DLG2: variants seen among roughly 807,000 people sequenced by gnomAD.
DLG2 encodes the protein disks large homolog 2.
Under a neutral mutation model 132.5 loss-of-function variants are expected in DLG2, and 45 were observed. The observed-to-expected ratio is 0.34, with a 90% CI of 0.27 to 0.44. DLG2 has a LOEUF of 0.44. Among genes scored for constraint, DLG2 ranks in the 20% least tolerant of loss-of-function variants. The pLI, the probability that DLG2 is intolerant of heterozygous loss-of-function variation, is 1.00. For missense variants in DLG2, 1,045 were observed against 1,196.9 expected (o/e 0.87, Z 1.87); for synonymous variants, 424 against 419.6 (o/e 1.01, Z -0.13).
intron 6 of DLG2, among the ~76,000 whole-genome samples, chr11:84,685,688 A>G (rs2099737479): frequency 6.6e-6 from 1 of 151,862 alleles, no homozygotes; most frequent in Admixed American, 6.6e-5. Flanking sequence ...TCAAAGTAAT[A>G]TTTTGCTCTG....
At chr11:84,404,750 T>C (rs2098842796) in intron 7 of DLG2, among the ~76,000 whole-genome samples, 3 of 152,192 alleles carry the variant, frequency 2.0e-5, no homozygotes, top group Admixed American at 2.0e-4. Flanking sequence ...GAAATATGTG[T>C]TGAACAACAG....
intron 6 of DLG2, among the ~76,000 whole-genome samples, chr11:84,989,443 CG>C (rs1261996289): frequency 2.0e-5 from 3 of 151,886 alleles, no homozygotes; most frequent in Non-Finnish European, 4.4e-5. Flanking sequence ...CCCAAAGTGC[CG>C]GGATTACAGG....
intron 6 of DLG2, among the ~76,000 whole-genome samples, chr11:84,878,636 A>G (rs2086797916): frequency 6.6e-6 from 1 of 152,128 alleles, no homozygotes; most frequent in Admixed American, 6.6e-5. Context: ...AGCAAACTAC[A>G]TGGCACATTT....
intron 4 of DLG2, among the ~76,000 whole-genome samples, chr11:85,178,865 G>A (rs1309658239): frequency 6.6e-6 from 1 of 151,902 alleles, no homozygotes; most frequent in Non-Finnish European, 1.5e-5. Context: ...AAAGCATGAA[G>A]AATAGATTGA....
intron 10 of DLG2, among the ~76,000 whole-genome samples, chr11:84,090,678 T>C (rs2097076881): frequency 2.0e-5 from 3 of 152,222 alleles, no homozygotes; most frequent in South Asian, 2.1e-4. Flanking sequence ...AAGTAAAATT[T>C]GGTAGAATAT....
rs185125085 is a variant in DLG2 at position 83,874,019 on chromosome 11, A to G, written c.1565+401T>C. Among the ~76,000 whole-genome samples the G allele has an allele frequency of 5.9e-5, 9 of 152,298 alleles. No homozygotes were observed. In the East Asian group the frequency reaches 1.7e-3, roughly 29 times the overall value. On this transcript the variant is annotated intron_variant, in intron 16 of 27. Transcript: ENST00000376104. ...AAGAAGAAATCTTGTTTGACTTATT[A>G]AATCTAGTACCTAGCACAGTGCTTG... is the stretch of plus-strand genomic sequence containing the variant.
At chr11:85,500,792 T>C (rs931654186) in intron 3 of DLG2, among the ~76,000 whole-genome samples, 8 of 152,164 alleles carry the variant, frequency 5.3e-5, no homozygotes, top group Admixed American at 3.9e-4. Context: ...TGCAAAAACA[T>C]TCCACGCTCA....
At chr11:83,781,344 T>C (rs1217501210) in intron 18 of DLG2, among the ~76,000 whole-genome samples, 1 of 152,142 alleles carries the variant, frequency 6.6e-6, no homozygotes, top group Non-Finnish European at 1.5e-5. Flanking sequence ...TATTTCCTTA[T>C]AACATGGACT....
At chr11:85,023,595 A>G (rs1170159124) in intron 6 of DLG2, among the ~76,000 whole-genome samples, 1 of 152,102 alleles carries the variant, frequency 6.6e-6, no homozygotes, top group Non-Finnish European at 1.5e-5. Context: ...ATAGTTTTCT[A>G]CTCTCAAGAA....
In DLG2 at chr11:85,564,306, G is replaced by A. The variant is rs2077415134; in HGVS notation, c.40+34351C>T. 2.0e-5 allele frequency among the ~76,000 whole-genome samples: 3 copies of A among 151,352 alleles called. No homozygotes were observed. In the South Asian group the frequency reaches 6.2e-4, roughly 32 times the overall value. On this transcript the variant is annotated intron_variant, in intron 3 of 27. Transcript: ENST00000376104. ...TTTTTACTTTTTTTCATGCACTGGG[G>A]GCCCTGAAAAATCTTTGCTCATTCC...
intron 17 of DLG2, among the ~76,000 whole-genome samples, chr11:83,811,266 T>A (rs769816081): frequency 2.6e-5 from 4 of 152,154 alleles, no homozygotes; most frequent in Non-Finnish European, 2.9e-5. Flanking sequence ...TTAAGCACCC[T>A]TTTCAAATCA....
intron 6 of DLG2, among the ~76,000 whole-genome samples, chr11:84,579,405 G>A (rs1016525747): frequency 6.6e-6 from 1 of 152,110 alleles, no homozygotes; most frequent in Admixed American, 6.6e-5. Flanking sequence ...AACTACTGTG[G>A]TTTTTGCTGA....
chr11:83,858,157 G>A (rs907824329), intron 16 of DLG2, among the ~76,000 whole-genome samples: 2 of 152,122 alleles, frequency 1.3e-5, no homozygotes, highest in African/African-American at 2.4e-5. Context: ...TGCTGAGTAC[G>A]AGTTCTGATC....
Position 84,359,220 on chromosome 11 carries a change from T to C in DLG2, c.520-107929A>G, listed in dbSNP as rs556025700. ...TCTCCAAGTTGGATTGAGGAACAAA[T>C]ATATTCCAAAGAAATGGTAAAACTG... On this transcript the variant is annotated intron_variant, in intron 7 of 27. Coordinates refer to ENST00000376104, the MANE Select transcript of DLG2 (RefSeq NM_001142699.3). Among the ~76,000 whole-genome samples, 15 of 152,046 alleles carry C rather than the reference T, an allele frequency of 9.9e-5. 1 individual carries two copies. The South Asian group carries it at 3.1e-3, about 31-fold the overall frequency.
At chr11:84,955,729 T>G (rs2051569128) in intron 6 of DLG2, 1 of 152,316 alleles carries the variant, frequency 6.6e-6, no homozygotes, top group Middle Eastern at 3.4e-3. Flanking sequence ...CTCTGGAATT[T>G]GTAAATATTT....
intron 6 of DLG2, among the ~76,000 whole-genome samples, chr11:85,059,741 G>A (rs2063834873): frequency 6.6e-6 from 1 of 151,542 alleles, no homozygotes; most frequent in Non-Finnish European, 1.5e-5. Context: ...CAGAGGAGTG[G>A]TTATTTTTGC....
chr11:83,733,189 T>G (rs2091316358), intron 18 of DLG2, among the ~76,000 whole-genome samples: 1 of 129,942 alleles, frequency 7.7e-6, no homozygotes, highest in African/African-American at 3.0e-5. Flanking sequence ...TGCAGGGAGC[T>G]GAGATCATGC....
chr11:85,039,832 G>A (rs1401651606), intron 6 of DLG2, among the ~76,000 whole-genome samples: 3 of 151,848 alleles, frequency 2.0e-5, no homozygotes, highest in Non-Finnish European at 4.4e-5. Flanking sequence ...CTAGCACAGT[G>A]TCTGCAACTT....
intron 4 of DLG2, among the ~76,000 whole-genome samples, chr11:85,255,427 C>T (rs2076620539): frequency 6.6e-6 from 1 of 152,082 alleles, no homozygotes; most frequent in Non-Finnish European, 1.5e-5. Context: ...TTTTAAAATG[C>T]CATATACTCA....
Sources: gnomAD v4.1 joint callset for allele counts (sites outside exome capture counted in the v4.1 genomes callset) on GRCh38, gnomAD v4.1.1 for gene constraint, MANE v1.5 for transcripts, NCBI Gene and HGNC (gene_info 2026-07-23, HGNC 2026-07-21) for gene names.